Variants in OR4N2 observed in about 807,000 individuals in gnomAD.
The protein encoded by OR4N2 is olfactory receptor 4N2.
For synonymous variants in OR4N2, 141 were observed against 140.4 expected (o/e 1.00, Z -0.03); for missense variants, 307 against 377.6 (o/e 0.81, Z 1.55).
At chr14:19,805,014 C>A (rs530034943) in intron 1 of OR4N2, among the ~76,000 whole-genome samples, 4 of 152,224 alleles carry the variant, frequency 2.6e-5, no homozygotes, top group Admixed American at 2.6e-4. Flanking sequence ...AGAATCAGAC[C>A]ATTTGCTTTT....
intron 1 of OR4N2, among the ~76,000 whole-genome samples, chr14:19,825,524 C>CATTT (rs746872467): frequency 0.047 from 6,990 of 147,902 alleles, 119 homozygotes; most frequent in African/African-American, 0.068. Context: ...TGTGCTAGAG[C>CATTT]ACTTATTTAT....
chr14:19,827,617 G>A lies in OR4N2; in HGVS notation c.169G>A (p.Ala57Thr), dbSNP rs762723238. 22 of 1,613,962 alleles carry A rather than the reference G, an allele frequency of 1.4e-5. No homozygotes were observed. In the Admixed American group the frequency reaches 1.7e-4, roughly 12 times the overall value. ...CATAAAGTCAGACCCTGGGCTCACA[G>A]CCCCCCTCTATTTCTTTCTGGGCAA... ...FTIKSDPGLT[A>T]PLYFFLGNLA... Residue 57 changes from alanine (A) to threonine (T), a missense_variant, in exon 2 of 2, where the codon GCC (alanine) becomes ACC (threonine). Physicochemically the swap from Ala to Thr is moderately conservative, Grantham distance 58. Coordinates refer to ENST00000557677, the MANE Select transcript of OR4N2 (RefSeq NM_001004723.3).
chr14:19,804,805 C>T (rs1024553239), intron 1 of OR4N2, among the ~76,000 whole-genome samples: 26 of 152,172 alleles, frequency 1.7e-4, no homozygotes, highest in African/African-American at 6.0e-4. Context: ...TGAAGTCTCC[C>T]AGTAGTATTG....
At chr14:19,804,265 C>G (rs370742054) in intron 1 of OR4N2, among the ~76,000 whole-genome samples, 13 of 151,580 alleles carry the variant, frequency 8.6e-5, no homozygotes, top group African/African-American at 3.2e-4. Context: ...GCTTTTGTTT[C>G]TCTAGTTTCT....
chr14:19,820,577 T>A (rs145531467), intron 1 of OR4N2, among the ~76,000 whole-genome samples: 1 of 152,348 alleles, frequency 6.6e-6, no homozygotes, highest in African/African-American at 2.4e-5. Context: ...GGGACTTTTA[T>A]CTATAAGCCC....
chr14:19,813,510 G>T (rs556495311), intron 1 of OR4N2, among the ~76,000 whole-genome samples: 19 of 152,380 alleles, frequency 1.2e-4, no homozygotes, highest in African/African-American at 4.3e-4. Context: ...CACTGCAGTA[G>T]ATTTTTCCTT....
At chr14:19,808,407 C>A (rs1879217941) in intron 1 of OR4N2, among the ~76,000 whole-genome samples, 2 of 152,136 alleles carry the variant, frequency 1.3e-5, no homozygotes, top group African/African-American at 4.8e-5. Flanking sequence ...AATCACTCTA[C>A]AAAAATCAGT....
Position 19,828,170 on chromosome 14 carries a change from T to C in OR4N2, c.722T>C (p.Ile241Thr). ...AAAAACAAGGCCATGTCCACGTGCA[T>C]CACCCATATCATTGTTATATTCTTC... ...EAKNKAMSTC[I>T]THIIVIFFMF... The change falls in exon 2 of 2, where the codon ATC becomes ACC. Residue 241 changes from isoleucine to threonine, a missense_variant. Transcript: ENST00000557677. 6.2e-7 allele frequency: 1 copy of C among 1,614,264 alleles called. No homozygotes were observed. Among genetic ancestry groups the C allele is most frequent in the East Asian group, 2.2e-5 (1 of 44,894 alleles).
chr14:19,827,485 A>G lies in OR4N2; in HGVS notation c.37A>G (p.Ile13Val). Residue 13 changes from isoleucine to valine, a missense_variant, in exon 2 of 2, where the codon ATC (isoleucine) becomes GTC (valine). Coordinates refer to ENST00000557677, the MANE Select transcript of OR4N2 (RefSeq NM_001004723.3). ...SENRTVIREF[I>V]LLGLTQSQDI... is the part of the protein sequence containing the mutation. ...GAACAGAACAGTGATAAGAGAATTC[A>G]TCCTCCTTGGTCTGACCCAGTCTCA... is the stretch of plus-strand genomic sequence containing the variant. 1 of 1,608,130 alleles carries G rather than the reference A, an allele frequency of 6.2e-7. No homozygotes were observed. Among genetic ancestry groups the G allele is most frequent in the Non-Finnish European group, 8.5e-7 (1 of 1,177,220 alleles).
At chr14:19,822,178 A>C (rs1879583360) in intron 1 of OR4N2, 1 of 152,284 alleles carries the variant, frequency 6.6e-6, no homozygotes, top group Non-Finnish European at 1.5e-5. Context: ...CTCCTAATAG[A>C]TCTCCATCTG....
chr14:19,821,353 G>A (rs1879560708), intron 1 of OR4N2, among the ~76,000 whole-genome samples: 1 of 152,196 alleles, frequency 6.6e-6, no homozygotes. Context: ...GTCTTGCTGG[G>A]AGTTGCAGAC....
At chr14:19,809,921 A>G (rs1268274677) in intron 1 of OR4N2, among the ~76,000 whole-genome samples, 1 of 152,262 alleles carries the variant, frequency 6.6e-6, no homozygotes, top group East Asian at 1.9e-4. Context: ...AGGAAATTCC[A>G]TTCTCAAATA....
chr14:19,815,736 C>T (rs1484296700), intron 1 of OR4N2, among the ~76,000 whole-genome samples: 1 of 149,534 alleles, frequency 6.7e-6, no homozygotes, highest in Admixed American at 6.7e-5. Flanking sequence ...GATTTTGTTG[C>T]CATTGCTTTT....
At chr14:19,812,372 G>T (rs1400685181) in intron 1 of OR4N2, among the ~76,000 whole-genome samples, 2 of 142,716 alleles carry the variant, frequency 1.4e-5, no homozygotes, top group Non-Finnish European at 3.0e-5. Flanking sequence ...TGTCGCCCAG[G>T]CTGGATCTCG....
In OR4N2 at chr14:19,828,479, G is replaced by A. The variant is rs1879786208; in HGVS notation, c.*107G>A. 9.6e-6 allele frequency: 11 copies of A among 1,140,440 alleles called. No individual in the cohort carries two copies. The East Asian group carries it at 2.3e-4, about 24-fold the overall frequency. The allele number at this position is 1,140,440 out of a possible 1,614,324, so 70.6% of individuals were successfully genotyped here. On this transcript the variant is annotated 3_prime_UTR_variant, in exon 2 of 2. Transcript: ENST00000557677. ...ATCACTGAGTACCTCCCATTTGTCA[G>A]GACTATTCTGGGAACTGAAAAAAGA...
In OR4N2 at chr14:19,828,197, T is replaced by C. The variant is rs1434890681; in HGVS notation, c.749T>C (p.Met250Thr). The change falls in exon 2 of 2, where the codon ATG becomes ACG. Residue 250 changes from methionine to threonine, a missense_variant. By Grantham distance (81) the Met-to-Thr change is moderately conservative. Coordinates refer to ENST00000557677, the MANE Select transcript of OR4N2 (RefSeq NM_001004723.3). The part of the protein sequence containing the change: ...CITHIIVIFF[M>T]FGPGIFIYTR... ...ACCCATATCATTGTTATATTCTTCA[T>C]GTTTGGACCTGGCATCTTCATCTAC... 3.7e-6 allele frequency: 6 copies of C among 1,613,956 alleles called. No individual in the cohort carries two copies. Among genetic ancestry groups the C allele is most frequent in the Non-Finnish European group, 5.1e-6 (6 of 1,179,976 alleles).
chr14:19,821,979 G>A (rs558064285), intron 1 of OR4N2: 1 of 152,360 alleles, frequency 6.6e-6, no homozygotes, highest in Admixed American at 6.5e-5. Flanking sequence ...ATCCCTGAAG[G>A]CTTAAATTTC....
chr14:19,811,025 T>C (rs1344201250), intron 1 of OR4N2, among the ~76,000 whole-genome samples: 1 of 152,242 alleles, frequency 6.6e-6, no homozygotes, highest in East Asian at 1.9e-4. Flanking sequence ...AAATTCCAGG[T>C]TCATATGGCT....
Position 19,826,640 on chromosome 14 carries a change from T to C in OR4N2, c.-9-800T>C, listed in dbSNP as rs557776370. On this transcript the variant is annotated intron_variant, in intron 1 of 1. Transcript: ENST00000557677. ...CTTGCAAATTTTATATTGTAGCATA[T>C]TGTTTGTTAAAAGGCTGTATCTTGG... Among the ~76,000 whole-genome samples, 69 of 152,346 alleles carry C rather than the reference T, an allele frequency of 4.5e-4. No individual in the cohort carries two copies. In the South Asian group the frequency reaches 0.014, roughly 31 times the overall value.
Sources: allele counts gnomAD v4.1 joint callset (sites outside exome capture counted in the v4.1 genomes callset), GRCh38; gene constraint gnomAD v4.1.1; transcripts MANE v1.5; gene names NCBI Gene and HGNC (gene_info 2026-07-23, HGNC 2026-07-21).